The following DPH3 variants were observed in gnomAD, a reference collection of about 807,000 sequenced individuals.
DPH3 encodes diphthamide biosynthesis protein 3.
In DPH3, 8 loss-of-function variants were observed where a neutral mutation model predicts 10.2. The ratio of observed to expected loss-of-function variants is 0.79; its 90% confidence interval spans 0.46 to 1.42. The LOEUF is 1.42. DPH3 is among the 40% of genes most tolerant of loss of function. DPH3 has a pLI of 0.00. For missense variants in DPH3, 96 were observed against 98.9 expected, an observed-to-expected ratio of 0.97 and a Z score of 0.12; for synonymous variants, 35 against 35.6, an observed-to-expected ratio of 0.98 and a Z score of 0.06.
intron 1 of DPH3, 74 bp from the exon 2 acceptor site, chr3:16,264,303 C>A (rs2064350685): frequency 8.1e-7 from 1 of 1,232,572 alleles, no homozygotes; most frequent in East Asian, 2.6e-5. Context: ...CTATCCCACC[C>A]CTAGATGCAA....
Position 16,258,212 on chromosome 3 carries a change from TGA to T in DPH3, c.*2550_*2551del, listed in dbSNP as rs2064266417. 1 of 152,190 alleles carries T rather than the reference TGA, an allele frequency of 6.6e-6. No homozygotes were observed. Among genetic ancestry groups the T allele is most frequent in the Non-Finnish European group, 1.5e-5 (1 of 68,018 alleles). 9.4% of individuals were successfully genotyped at this position (152,190 alleles called of 1,614,324 possible). A position where few individuals can be genotyped will look rare whatever the true frequency, so the allele number is the denominator to read the frequency against. On this transcript the variant is annotated 3_prime_UTR_variant, in exon 3 of 3. Transcript: ENST00000488423. The stretch of plus-strand genomic sequence containing the variant: ...TTTTTCTGTAATTCATGATTTAGTT[TGA>T]GTTTATAAAGGTTTTAATTGCAATT...
In DPH3 at chr3:16,263,100, C is replaced by T. The variant is rs926365520; in HGVS notation, c.183+1055G>A. On this transcript the variant is annotated intron_variant, in intron 2 of 2. Transcript: ENST00000488423. This position sits in a 1 kb window ranked among gnomAD's most constrained non-coding sequence, Gnocchi z 4.0. Reference sequence around the variant, plus strand: ...TAGCACTCCTATGTTCAAAAATCCCCCAATGGTTCCCTATATCACTCACAA... The same window carrying T: ...TAGCACTCCTATGTTCAAAAATCCCTCAATGGTTCCCTATATCACTCACAA... Among the ~76,000 whole-genome samples, 4 of 152,220 alleles carry T rather than the reference C, an allele frequency of 2.6e-5. No homozygotes were observed. The highest frequency in any genetic ancestry group is 9.6e-5 in the African/African-American group (4 of 41,512).
rs919008759 is a variant in DPH3, at chr3:16,260,031, C to A, written c.*733G>T. Reference sequence around the variant, plus strand: ...AATTTCACTTCTTTTGGATGTTTTTCTTTTCATCTTGTCCTGACTTCCAAG... The same window carrying A: ...AATTTCACTTCTTTTGGATGTTTTTATTTTCATCTTGTCCTGACTTCCAAG... On this transcript the variant is annotated 3_prime_UTR_variant, in exon 3 of 3. Transcript: ENST00000488423. 8 of 152,192 alleles carry A rather than the reference C, an allele frequency of 5.3e-5. No homozygotes were observed. Among genetic ancestry groups the A allele is most frequent in the African/African-American group, 1.9e-4 (8 of 41,454 alleles). 9.4% of individuals were successfully genotyped at this position (152,192 alleles called of 1,614,324 possible). A position where few individuals can be genotyped will look rare whatever the true frequency, so the allele number is the denominator to read the frequency against.
In DPH3 at chr3:16,257,976, AATGG is replaced by A. The variant is rs2064264355; in HGVS notation, c.*2784_*2787del. On this transcript the variant is annotated 3_prime_UTR_variant, in exon 3 of 3. Transcript: ENST00000488423. The stretch of plus-strand genomic sequence containing the variant: ...TTAGAAGAAAAACTACATAAAAGCA[AATGG>A]ATTTGAATTATCTGACTTTATTTAG... 1 of 152,220 alleles carries A rather than the reference AATGG, an allele frequency of 6.6e-6. No individual in the cohort carries two copies. Among genetic ancestry groups the A allele is most frequent in the African/African-American group, 2.4e-5 (1 of 41,458 alleles). The allele number at this position is 152,220 out of a possible 1,614,324, so 9.4% of individuals were successfully genotyped here. A position where few individuals can be genotyped will look rare whatever the true frequency, so the allele number is the denominator to read the frequency against.
chr3:16,264,102 C>A, intron 2 of DPH3, 53 bp downstream of exon 2: 2 of 1,325,302 alleles, frequency 1.5e-6, no homozygotes, highest in Non-Finnish European at 2.1e-6. Context: ...TGATCTAAGT[C>A]CTTGCCACTG....
chr3:16,263,857 A>C lies in DPH3; in HGVS notation c.183+298T>G, dbSNP rs1559707299. 6.6e-6 allele frequency among the ~76,000 whole-genome samples: 1 copy of C among 152,244 alleles called. No homozygotes were observed. Among genetic ancestry groups the C allele is most frequent in the African/African-American group, 2.4e-5 (1 of 41,466 alleles). ...CAATTTTAATTACATATTAAATAGAAGAGAAATATAAAAAATTGTCCACTA... is the reference window on the plus strand; with the variant it reads ...CAATTTTAATTACATATTAAATAGACGAGAAATATAAAAAATTGTCCACTA... On this transcript the variant is annotated intron_variant, in intron 2 of 2. Transcript: ENST00000488423. This position sits in a 1 kb window ranked among gnomAD's most constrained non-coding sequence, Gnocchi z 4.0.
At position 16,257,768 on chromosome 3, in the gene DPH3, A is replaced by G. The variant is rs992353931; in HGVS notation, c.*2996T>C. Among the ~76,000 whole-genome samples, 1 of 152,236 alleles carries G rather than the reference A, an allele frequency of 6.6e-6. No homozygotes were observed. The highest frequency in any genetic ancestry group is 2.4e-5 in the African/African-American group (1 of 41,470). On this transcript the variant is annotated 3_prime_UTR_variant, in exon 3 of 3. Transcript: ENST00000488423. ...CTAAGAATGTCAACTTTGTCTTACT[A>G]CCACTTGACTCAGTTATTTTTTTCC...
In DPH3 at chr3:16,259,304, T is replaced by C. The variant is rs2064276519; in HGVS notation, c.*1460A>G. On this transcript the variant is annotated 3_prime_UTR_variant, in exon 3 of 3. Transcript: ENST00000488423. The stretch of plus-strand genomic sequence containing the variant: ...TGAGCATTTTCAGCTCGGTACATTA[T>C]AATTTTTGGTAATTTATTGTCTCAG... 2.6e-5 allele frequency: 4 copies of C among 152,252 alleles called. No individual in the cohort carries two copies. The highest frequency in any genetic ancestry group is 6.5e-5 in the Admixed American group (1 of 15,290). The allele number at this position is 152,252 out of a possible 1,614,324, so 9.4% of individuals were successfully genotyped here.
At chr3:16,260,899 A>G in intron 2 of DPH3, 70 bp from the exon 3 acceptor site, 3 of 1,359,056 alleles carry the variant, frequency 2.2e-6, no homozygotes, top group South Asian at 2.5e-5. Flanking sequence ...TTAAACCTTC[A>G]TTTTGTTACA....
At chr3:16,264,598 G>A in intron 1 of DPH3, 171 bp downstream of exon 1, 1 of 668,864 alleles carries the variant, frequency 1.5e-6, no homozygotes, top group Non-Finnish European at 2.5e-6. Context: ...TGCCTACCGA[G>A]AGAGCTCAGG....
rs1345894128 is a variant in DPH3 at position 16,261,682 on chromosome 3, C to T, written c.184-853G>A. ...CAAAGAATTATCAGGCCTAAAATGT[C>T]AACAGGGCTGAGGTTGAGATGAAGT... is the stretch of plus-strand genomic sequence containing the variant. On this transcript the variant is annotated intron_variant, in intron 2 of 2. Coordinates refer to ENST00000488423, the MANE Select transcript of DPH3 (RefSeq NM_206831.3). This position sits in a 1 kb window ranked among gnomAD's most constrained non-coding sequence, Gnocchi z 7.1. Among the ~76,000 whole-genome samples the T allele has an allele frequency of 6.6e-6, 1 of 152,130 alleles. No individual in the cohort carries two copies.
rs904114299 is a variant in DPH3, at chr3:16,263,795, C to T, written c.183+360G>A. Among the ~76,000 whole-genome samples, 14 of 152,184 alleles carry T rather than the reference C, an allele frequency of 9.2e-5. No homozygotes were observed. Among genetic ancestry groups the T allele is most frequent in the African/African-American group, 3.4e-4 (14 of 41,442 alleles). On this transcript the variant is annotated intron_variant, in intron 2 of 2. Transcript: ENST00000488423. The surrounding 1 kb of genome is among the most constrained non-coding windows in gnomAD (Gnocchi z 4.0). ...GTATAAGCCAGCACGAAATACCATA[C>T]AATTGTTCCCTTCAAAGTAAGTCTA...
Position 16,264,829 on chromosome 3 carries a change from G to A in DPH3, c.48C>T (p.Asp16=). 4 of 1,614,214 alleles carry A rather than the reference G, an allele frequency of 2.5e-6. No individual in the cohort carries two copies. Among genetic ancestry groups the A allele is most frequent in the Non-Finnish European group, 3.4e-6 (4 of 1,180,044 alleles). ...DEVEIEDFQY[D]EDSETYFYPC... ...GATAGAAATACGTCTCCGAGTCCTC[G>A]TCATATTGGAAGTCCTCGATTTCCA... is the stretch of plus-strand genomic sequence containing the variant. Residue 16 remains aspartate, a synonymous_variant, in exon 1 of 3, where the codon GAC becomes GAT. Transcript: ENST00000488423.
At position 16,259,501 on chromosome 3, in the gene DPH3, C is replaced by T. The variant is rs2064277732; in HGVS notation, c.*1263G>A. ...TAAAACAACCTGACGGACATCACTG[C>T]ATTAATAAATATTTTTTATTTATAC... On this transcript the variant is annotated 3_prime_UTR_variant, in exon 3 of 3. Transcript: ENST00000488423. 1 of 152,098 alleles carries T rather than the reference C, an allele frequency of 6.6e-6. No homozygotes were observed. Among genetic ancestry groups the T allele is most frequent in the South Asian group, 2.1e-4 (1 of 4,826 alleles). The allele number at this position is 152,098 out of a possible 1,614,324, so 9.4% of individuals were successfully genotyped here. A position where few individuals can be genotyped will look rare whatever the true frequency, so the allele number is the denominator to read the frequency against.
chr3:16,260,605 G>T lies in DPH3; in HGVS notation c.*159C>A. On this transcript the variant is annotated 3_prime_UTR_variant, in exon 3 of 3. Coordinates refer to ENST00000488423, the MANE Select transcript of DPH3 (RefSeq NM_206831.3). ...TCCAGATATGTCATGTTATGGACTT[G>T]CTTCCTGAAGATGATATCAGCAGTT... 1 of 572,722 alleles carries T rather than the reference G, an allele frequency of 1.7e-6. No individual in the cohort carries two copies. The highest frequency in any genetic ancestry group is 3.1e-6 in the Non-Finnish European group (1 of 321,458). 35.5% of individuals were successfully genotyped at this position (572,722 alleles called of 1,614,324 possible).
rs145208444 is a variant in DPH3, at chr3:16,257,310, T to G, written c.*3454A>C. 1.8e-3 allele frequency among the ~76,000 whole-genome samples: 272 copies of G among 152,304 alleles called. No individual in the cohort carries two copies. The highest frequency in any genetic ancestry group is 6.2e-3 in the African/African-American group (259 of 41,578). ...TTAGAAAAAGTGCCAGAGCTCAGAC[T>G]CCCTTAAAAAGTCACCTGACCCAGT... On this transcript the variant is annotated 3_prime_UTR_variant, in exon 3 of 3. Transcript: ENST00000488423.
In DPH3 at chr3:16,260,074, G is replaced by A. The variant is rs192304331; in HGVS notation, c.*690C>T. On this transcript the variant is annotated 3_prime_UTR_variant, in exon 3 of 3. Transcript: ENST00000488423. ...CTTCCAAGGAATATGCAGAATATAA[G>A]AAAAGTCCTCATTCTTTCATCACTT... The A allele has an allele frequency of 7.9e-5, 12 of 152,268 alleles. No individual in the cohort carries two copies. The highest frequency in any genetic ancestry group is 5.2e-4 in the Admixed American group (8 of 15,294). The allele number at this position is 152,268 out of a possible 1,614,324, so 9.4% of individuals were successfully genotyped here. A position where few individuals can be genotyped will look rare whatever the true frequency, so the allele number is the denominator to read the frequency against.
chr3:16,264,109 A>G, intron 2 of DPH3, 46 bp downstream of exon 2: 2 of 1,403,144 alleles, frequency 1.4e-6, no homozygotes, highest in South Asian at 1.3e-5. Flanking sequence ...AGTCCTTGCC[A>G]CTGACTTACA....
Position 16,257,492 on chromosome 3 carries a change from C to A in DPH3, c.*3272G>T, listed in dbSNP as rs182671845. 1.9e-4 allele frequency among the ~76,000 whole-genome samples: 29 copies of A among 152,360 alleles called. No homozygotes were observed. The East Asian group carries it at 5.6e-3, about 29-fold the overall frequency. ...GTGACAGGTACTTCTTTGCCTAGTGCATAGCACATGACAGCTATTTTTCTA... is the reference window on the plus strand; with the variant it reads ...GTGACAGGTACTTCTTTGCCTAGTGAATAGCACATGACAGCTATTTTTCTA... On this transcript the variant is annotated 3_prime_UTR_variant, in exon 3 of 3. Transcript: ENST00000488423.
Sources: allele counts gnomAD v4.1 joint callset (sites outside exome capture counted in the v4.1 genomes callset), GRCh38; gene constraint gnomAD v4.1.1; non-coding constraint Gnocchi (gnomAD v3.1); transcripts MANE v1.5; gene names NCBI Gene and HGNC (gene_info 2026-07-23, HGNC 2026-07-21).